Variants in TLL1 observed in about 807,000 individuals in gnomAD.
The protein encoded by TLL1 is tolloid-like protein 1.
Under a neutral mutation model 128.2 loss-of-function variants are expected in TLL1, and 49 were observed. The observed-to-expected ratio is 0.38, with a 90% CI of 0.30 to 0.48. The LOEUF (loss-of-function observed/expected upper bound fraction) is 0.48, where lower values mean the gene tolerates loss of function less well. Among genes scored for constraint, TLL1 ranks in the 20% least tolerant of loss-of-function variants. The pLI is 0.96. For synonymous variants in TLL1, 454 were observed against 418.8 expected (o/e 1.08, Z -1.03); for missense variants, 1,123 against 1,242.0 (o/e 0.90, Z 1.44).
intron 8 of TLL1, among the ~76,000 whole-genome samples, chr4:166,022,628 C>T (rs1231787719): frequency 6.6e-6 from 1 of 152,136 alleles, no homozygotes; most frequent in Non-Finnish European, 1.5e-5. Context: ...GAGCTATAGA[C>T]ATTAGACAGC....
Position 166,025,230 on chromosome 4 carries a change from C to T in TLL1, c.1043-86C>T, listed in dbSNP as rs1054776609. The T allele has an allele frequency of 1.1e-5, 11 of 977,700 alleles. No individual in the cohort carries two copies. The African/African-American group carries it at 1.8e-4, about 16-fold the overall frequency. 60.6% of individuals were successfully genotyped at this position (977,700 alleles called of 1,614,324 possible). A position where few individuals can be genotyped will look rare whatever the true frequency, so the allele number is the denominator to read the frequency against. On this transcript the variant is annotated intron_variant, in intron 8 of 20. Transcript: ENST00000061240. ...ACAAACATTTAGTCTTGTCTACTACCAAAAAAACCCTTCATGGCTTTGTTT... is the reference window on the plus strand; with the variant it reads ...ACAAACATTTAGTCTTGTCTACTACTAAAAAAACCCTTCATGGCTTTGTTT...
At chr4:165,972,371 A>G (rs916019490) in intron 1 of TLL1, among the ~76,000 whole-genome samples, 6 of 152,168 alleles carry the variant, frequency 3.9e-5, no homozygotes, top group African/African-American at 1.4e-4. Flanking sequence ...CTTTAATATC[A>G]TTATCATATA....
Position 166,072,277 on chromosome 4 carries a change from A to T in TLL1, c.2189-2601A>T, listed in dbSNP as rs183301766. Among the ~76,000 whole-genome samples the T allele has an allele frequency of 3.2e-4, 48 of 152,122 alleles. No individual in the cohort carries two copies. The East Asian group carries it at 8.9e-3, about 28-fold the overall frequency. On this transcript the variant is annotated intron_variant, in intron 16 of 20. Transcript: ENST00000061240. ...GTGCGAATGAAGGCAGGAAACTCTG[A>T]TAAGTTGGGAAAGTAAAAAATGACA...
At chr4:166,074,649 T>C (rs997724305) in intron 16 of TLL1, among the ~76,000 whole-genome samples, 3 of 152,150 alleles carry the variant, frequency 2.0e-5, no homozygotes, top group Non-Finnish European at 4.4e-5. Flanking sequence ...CAAGTTATTA[T>C]CGTAGCGCTA....
chr4:166,053,022 G>A (rs1739832914), intron 12 of TLL1, among the ~76,000 whole-genome samples: 1 of 136,880 alleles, frequency 7.3e-6, no homozygotes, highest in Non-Finnish European at 1.6e-5. Flanking sequence ...GACCAATTGA[G>A]TTAGTTTTTA....
chr4:166,061,251 C>CTT (rs1176866599), intron 15 of TLL1, among the ~76,000 whole-genome samples: 5 of 41,984 alleles, frequency 1.2e-4, no homozygotes, highest in Non-Finnish European at 2.2e-4. Flanking sequence ...TTTTTTTTTT[C>CTT]TTTTTTTTTT....
At position 165,873,911 on chromosome 4, in the gene TLL1, T is replaced by G. The variant is rs1579426426; in HGVS notation, c.7T>G (p.Leu3Val). The change falls in exon 1 of 21, where the codon TTG (leucine) becomes GTG (valine). Residue 3 changes from leucine to valine, a missense_variant. By Grantham distance (32) the Leu-to-Val change is conservative. Coordinates refer to ENST00000061240, the MANE Select transcript of TLL1 (RefSeq NM_012464.5). MG[L>V]GTLSPRMLVW... ...TTTCCTCCGGGGGAGGAGGATGGGG[T>G]TGGGAACGCTTTCCCCGAGGATGCT... is the stretch of plus-strand genomic sequence containing the variant. 7 of 1,613,540 alleles carry G rather than the reference T, an allele frequency of 4.3e-6. No individual in the cohort carries two copies. In the East Asian group the frequency reaches 1.6e-4, roughly 36 times the overall value.
Position 166,101,607 on chromosome 4 carries a change from T to C in TLL1, c.*731T>C, listed in dbSNP as rs1037034422. ...TCTCAGAAAACGCCCAGTGAATTGGTAAACTTAGTTCTTTTTTTTGGAAGT... is the reference window on the plus strand; with the variant it reads ...TCTCAGAAAACGCCCAGTGAATTGGCAAACTTAGTTCTTTTTTTTGGAAGT... On this transcript the variant is annotated 3_prime_UTR_variant, in exon 21 of 21. Transcript: ENST00000061240. 2.6e-5 allele frequency: 4 copies of C among 152,564 alleles called. No homozygotes were observed. The highest frequency in any genetic ancestry group is 4.4e-5 in the Non-Finnish European group (3 of 68,052). The allele number at this position is 152,564 out of a possible 1,614,324, so 9.5% of individuals were successfully genotyped here. A position where few individuals can be genotyped will look rare whatever the true frequency, so the allele number is the denominator to read the frequency against.
At chr4:166,020,858 T>C (rs913352596) in intron 8 of TLL1, among the ~76,000 whole-genome samples, 1 of 152,210 alleles carries the variant, frequency 6.6e-6, no homozygotes. Flanking sequence ...AGAATCTCTA[T>C]TGTTATGTAA....
chr4:166,042,733 A>G (rs1311693519), intron 11 of TLL1, among the ~76,000 whole-genome samples: 1 of 152,180 alleles, frequency 6.6e-6, no homozygotes, highest in Non-Finnish European at 1.5e-5. Context: ...GTAATTTTGA[A>G]GACAGAAGAT....
chr4:165,910,291 A>C (rs1187352775), intron 1 of TLL1, among the ~76,000 whole-genome samples: 1 of 152,190 alleles, frequency 6.6e-6, no homozygotes, highest in Non-Finnish European at 1.5e-5. Context: ...ATGAGCTTAG[A>C]GGGGGCAACA....
chr4:166,035,946 C>T (rs139582547), intron 9 of TLL1, among the ~76,000 whole-genome samples: 22 of 152,232 alleles, frequency 1.4e-4, no homozygotes, highest in African/African-American at 3.9e-4. Flanking sequence ...AAAAAAATAT[C>T]GCCACTCTGG....
chr4:165,932,788 G>A (rs1408734424), intron 1 of TLL1, among the ~76,000 whole-genome samples: 1 of 151,924 alleles, frequency 6.6e-6, no homozygotes, highest in Non-Finnish European at 1.5e-5. Context: ...TATTTTATAT[G>A]CATTGATTTG....
rs1736815080 is a variant in TLL1 at position 165,995,153 on chromosome 4, A to G, written c.607A>G (p.Ile203Val). The change falls in exon 5 of 21, where the codon ATT (isoleucine) becomes GTT (valine). Residue 203 changes from isoleucine (I) to valine (V), a missense_variant. This residue lies in a region of TLL1 where 480 missense variants were observed against 542.4 expected (regional missense o/e 0.89). Coordinates refer to ENST00000061240, the MANE Select transcript of TLL1 (RefSeq NM_012464.5). ...FIERSDEESY[I>V]VFTYRPCGCC... ...AGAAAGAAGTGATGAAGAGAGTTAC[A>G]TTGTATTCACCTATAGGCCTTGTGG... The G allele has an allele frequency of 1.9e-6, 3 of 1,613,918 alleles. No homozygotes were observed. Among genetic ancestry groups the G allele is most frequent in the East Asian group, 4.5e-5 (2 of 44,866 alleles).
chr4:165,961,387 A>G (rs1735092927), intron 1 of TLL1, among the ~76,000 whole-genome samples: 1 of 152,194 alleles, frequency 6.6e-6, no homozygotes. Context: ...TAAAATGGCC[A>G]TACTGCCCAA....
intron 12 of TLL1, chr4:166,044,409 A>G (rs1332806216): frequency 5.2e-6 from 8 of 1,535,472 alleles, no homozygotes; most frequent in South Asian, 1.2e-5. Context: ...AAGCCAGAGA[A>G]TCTCTCATCC....
intron 1 of TLL1, among the ~76,000 whole-genome samples, chr4:165,919,382 CA>C (rs1163238067): frequency 0.074 from 5,541 of 75,226 alleles, 138 homozygotes; most frequent in East Asian, 0.17. Flanking sequence ...GACCCTGCTT[CA>C]AAAAAAAAAA....
intron 1 of TLL1, among the ~76,000 whole-genome samples, chr4:165,926,951 A>G (rs1273666969): frequency 1.2e-4 from 19 of 152,204 alleles, no homozygotes; most frequent in Non-Finnish European, 2.9e-5. Context: ...AAACAGTCTC[A>G]GTTTCTTTTT....
intron 1 of TLL1, among the ~76,000 whole-genome samples, chr4:165,876,078 T>A (rs1042864057): frequency 6.6e-6 from 1 of 152,198 alleles, no homozygotes; most frequent in Non-Finnish European, 1.5e-5. Flanking sequence ...TGCACACCTG[T>A]GTGTGTGTTC....
Sources: gnomAD v4.1 joint callset for allele counts (sites outside exome capture counted in the v4.1 genomes callset) on GRCh38, gnomAD v4.1.1 for gene constraint, gnomAD v4.1.1 regional missense constraint, MANE v1.5 for transcripts, NCBI Gene and HGNC (gene_info 2026-07-23, HGNC 2026-07-21) for gene names.